NUP58: variants seen among roughly 807,000 people sequenced by gnomAD.
NUP58 encodes the protein nucleoporin 58, also known as nucleoporin p58/p45.
NUP58 carries 17 observed loss-of-function variants against 70.1 expected under a neutral mutation model. The observed-to-expected ratio is 0.24, with a 90% CI of 0.17 to 0.36. The LOEUF (loss-of-function observed/expected upper bound fraction) is 0.36, where lower values mean the gene tolerates loss of function less well. Ranked by LOEUF, NUP58 falls within the 10% of genes least tolerant of loss-of-function variation. The pLI, the probability that NUP58 is intolerant of heterozygous loss-of-function variation, is 1.00. For missense variants in NUP58, 644 were observed against 701.5 expected (o/e 0.92, Z 0.93); for synonymous variants, 275 against 257.6 (o/e 1.07, Z -0.65).
At chr13:25,315,316 T>C in intron 5 of NUP58, 41 bp from the exon 6 acceptor site, 1 of 1,394,302 alleles carries the variant, frequency 7.2e-7, no homozygotes, top group Non-Finnish European at 1.0e-6. Flanking sequence ...GAAATTGTTG[T>C]AGTCTTTTGA....
chr13:25,318,824 A>T (rs532808425), intron 6 of NUP58, among the ~76,000 whole-genome samples: 24 of 152,306 alleles, frequency 1.6e-4, no homozygotes, highest in African/African-American at 5.3e-4. Flanking sequence ...GGATTGTCAG[A>T]TTGGAGAAGT....
At chr13:25,333,383 G>C (rs981347294) in intron 13 of NUP58, 1 of 985,174 alleles carries the variant, frequency 1.0e-6, no homozygotes, top group African/African-American at 1.7e-5. Flanking sequence ...CTTTAATTTT[G>C]TCTGTGACTT....
chr13:25,333,141 T>C, intron 13 of NUP58: 2 of 985,202 alleles, frequency 2.0e-6, no homozygotes, highest in Non-Finnish European at 2.4e-6. Context: ...TGTGTGTGTG[T>C]TTAACTTTCT....
intron 13 of NUP58, chr13:25,335,273 G>T: frequency 1.0e-6 from 1 of 985,256 alleles, no homozygotes; most frequent in Non-Finnish European, 1.2e-6. Flanking sequence ...CTTATGTTCT[G>T]TTGCTCTTAA....
chr13:25,338,025 G>C (rs1355955152), intron 14 of NUP58, among the ~76,000 whole-genome samples: 1 of 152,102 alleles, frequency 6.6e-6, no homozygotes, highest in Non-Finnish European at 1.5e-5. Flanking sequence ...GATGAAGATA[G>C]TATTGTTAAG....
chr13:25,343,813 A>G (rs1245626930), downstream of NUP58, among the ~76,000 whole-genome samples: 2 of 146,830 alleles, frequency 1.4e-5, no homozygotes, highest in African/African-American at 5.0e-5. Context: ...ATGTATATAT[A>G]TATATATATA....
chr13:25,332,055 G>A, intron 13 of NUP58: 1 of 1,004,506 alleles, frequency 1.0e-6, no homozygotes, highest in Non-Finnish European at 1.2e-6. Flanking sequence ...AAGATCAATA[G>A]GCTTGTTTGT....
intron 12 of NUP58, among the ~76,000 whole-genome samples, chr13:25,329,700 C>G (rs1466932995): frequency 6.6e-6 from 1 of 152,174 alleles, no homozygotes; most frequent in Non-Finnish European, 1.5e-5. Context: ...ATTAGGTAAT[C>G]TGTTGAAACA....
downstream of NUP58, among the ~76,000 whole-genome samples, chr13:25,346,098 T>G (rs74357856): frequency 6.6e-6 from 1 of 152,164 alleles, no homozygotes; most frequent in Admixed American, 6.5e-5. Flanking sequence ...CCTTAATAAT[T>G]TGTGTGATCC....
At chr13:25,338,160 C>T (rs1395314429) in intron 14 of NUP58, among the ~76,000 whole-genome samples, 1 of 152,032 alleles carries the variant, frequency 6.6e-6, no homozygotes, top group Non-Finnish European at 1.5e-5. Flanking sequence ...AGTTTTTCAG[C>T]GTTTCAGATT....
At chr13:25,305,147 T>TTTTTTTGTTTTTTTTTTTTTTTG (rs1566055086) in intron 1 of NUP58, among the ~76,000 whole-genome samples, 1 of 125,840 alleles carries the variant, frequency 7.9e-6, no homozygotes, top group East Asian at 2.4e-4. Context: ...TTTTTTTTTT[T>TTTTTTTGTTTTTTTTTTTTTTTG]TTTTTTTTTT....
chr13:25,320,118 A>G (rs1246068970), intron 7 of NUP58, among the ~76,000 whole-genome samples: 2 of 152,112 alleles, frequency 1.3e-5, no homozygotes, highest in Non-Finnish European at 2.9e-5. Context: ...TCTCGTTGTG[A>G]GAAGTTTTGT....
chr13:25,303,306 C>A (rs1315445067), intron 1 of NUP58, among the ~76,000 whole-genome samples: 1 of 152,200 alleles, frequency 6.6e-6, no homozygotes, highest in Non-Finnish European at 1.5e-5. Context: ...CGGGACTCAT[C>A]TTGAGCCCAT....
At chr13:25,316,244 A>G (rs1311777198) in intron 6 of NUP58, among the ~76,000 whole-genome samples, 2 of 152,132 alleles carry the variant, frequency 1.3e-5, no homozygotes, top group African/African-American at 4.8e-5. Flanking sequence ...TGGTTTTAAA[A>G]ATTTGCTAAT....
chr13:25,316,494 A>G (rs571576751), intron 6 of NUP58, among the ~76,000 whole-genome samples: 224 of 152,242 alleles, frequency 1.5e-3, no homozygotes, highest in Middle Eastern at 6.8e-3. Flanking sequence ...AGGAGATACT[A>G]TTCTAGGGTG....
intron 10 of NUP58, among the ~76,000 whole-genome samples, chr13:25,325,310 C>T (rs1295951433): frequency 6.6e-6 from 1 of 152,128 alleles, no homozygotes; most frequent in African/African-American, 2.4e-5. Context: ...ATTTATACTT[C>T]ATGTACATAT....
At chr13:25,347,095 T>C (rs2032059576), downstream of NUP58, among the ~76,000 whole-genome samples, 1 of 152,208 alleles carries the variant, frequency 6.6e-6, no homozygotes, top group South Asian at 2.1e-4. Context: ...GGTAATATTA[T>C]ACAATATTTT....
At chr13:25,305,652 C>T (rs1489910712) in intron 1 of NUP58, among the ~76,000 whole-genome samples, 2 of 152,210 alleles carry the variant, frequency 1.3e-5, no homozygotes, top group Admixed American at 1.3e-4. Flanking sequence ...CCATTCCCCT[C>T]ACAGTGATTA....
At chr13:25,313,900 A>G (rs1397014018) in intron 5 of NUP58, 149 bp downstream of exon 5, 4 of 560,620 alleles carry the variant, frequency 7.1e-6, no homozygotes, top group South Asian at 3.6e-5. Context: ...GTTTTCATAC[A>G]TAATTGGATG....
Sources: allele counts gnomAD v4.1 joint callset (sites outside exome capture counted in the v4.1 genomes callset), GRCh38; gene constraint gnomAD v4.1.1; transcripts MANE v1.5; gene names NCBI Gene and HGNC (gene_info 2026-07-23, HGNC 2026-07-21).